MDGA2: variants seen among roughly 807,000 people sequenced by gnomAD.
The protein encoded by MDGA2 is MAM domain-containing glycosylphosphatidylinositol anchor protein 2.
MDGA2 carries 40 observed loss-of-function variants against 117.8 expected under a neutral mutation model. The ratio of observed to expected loss-of-function variants is 0.34; its 90% CI spans 0.26 to 0.44. The LOEUF is 0.44. Ranked by LOEUF, MDGA2 falls within the 20% of genes least tolerant of loss-of-function variation. The pLI, the probability that MDGA2 is intolerant of heterozygous loss-of-function variation, is 1.00. For missense variants in MDGA2, 1,123 were observed against 1,250.6 expected, an observed-to-expected ratio of 0.90 and a Z score of 1.54; for synonymous variants, 452 against 439.0, an observed-to-expected ratio of 1.03 and a Z score of -0.37.
At chr14:47,303,481 C>G (rs1889347952) in intron 1 of MDGA2, among the ~76,000 whole-genome samples, 1 of 152,020 alleles carries the variant, frequency 6.6e-6, no homozygotes, top group Non-Finnish European at 1.5e-5. Context: ...TGGTGTTTCT[C>G]TTAGTGCTCT....
At chr14:46,857,436 A>G (rs1212771904) in intron 14 of MDGA2, among the ~76,000 whole-genome samples, 4 of 151,754 alleles carry the variant, frequency 2.6e-5, no homozygotes, top group African/African-American at 9.7e-5. Context: ...TCTGCATGCT[A>G]TTTCTAATGT....
chr14:46,932,048 TG>T (rs1259809963), intron 9 of MDGA2, among the ~76,000 whole-genome samples: 3 of 152,152 alleles, frequency 2.0e-5, no homozygotes, highest in African/African-American at 7.2e-5. Context: ...TTAAGCTTTA[TG>T]TTTTTTACAG....
intron 3 of MDGA2, among the ~76,000 whole-genome samples, chr14:47,147,660 T>C (rs1219740091): frequency 6.6e-6 from 1 of 152,162 alleles, no homozygotes; most frequent in Non-Finnish European, 1.5e-5. Flanking sequence ...GAGGAATGAG[T>C]GCTTCAGTTC....
intron 1 of MDGA2, among the ~76,000 whole-genome samples, chr14:47,561,230 A>G (rs1243942995): frequency 2.3e-5 from 3 of 130,908 alleles, no homozygotes; most frequent in Non-Finnish European, 1.6e-5. Flanking sequence ...TTTTGTTTCC[A>G]TATCAATTTT....
rs78961470 is a variant in MDGA2, at chr14:47,121,463, C to T, written c.925+10251G>A. ...AACTATTGACAAAATTTTGGAATTT[C>T]GCTATGATTTAATATTACTTCTGAA... On this transcript the variant is annotated intron_variant, in intron 5 of 16. Transcript: ENST00000399232. Among the ~76,000 whole-genome samples, 188 of 151,830 alleles carry T rather than the reference C, an allele frequency of 1.2e-3. 3 individuals carry two copies. Among genetic ancestry groups the T allele is most frequent in the East Asian group, 2.3e-3 (12 of 5,174 alleles).
At chr14:47,454,909 G>T (rs552823031) in intron 1 of MDGA2, among the ~76,000 whole-genome samples, 3 of 152,284 alleles carry the variant, frequency 2.0e-5, no homozygotes, top group Admixed American at 2.0e-4. Flanking sequence ...CCTGGAAATG[G>T]GGACTGTTGG....
At chr14:47,069,305 A>C (rs1890194924) in intron 6 of MDGA2, among the ~76,000 whole-genome samples, 1 of 152,162 alleles carries the variant, frequency 6.6e-6, no homozygotes, top group Admixed American at 6.5e-5. Flanking sequence ...GTGTCACTTT[A>C]CATTATTGGC....
rs1898168004 is a variant in MDGA2, at chr14:47,675,467, A to G, written c.-671T>C. Among the ~76,000 whole-genome samples the G allele has an allele frequency of 1.3e-5, 2 of 151,956 alleles. No homozygotes were observed. Among genetic ancestry groups the G allele is most frequent in the African/African-American group, 4.8e-5 (2 of 41,394 alleles). ...GTGCGTCTGGAGCTCGCTTGGGCAC[A>G]CCAGCCCAGCCGCCACCGCCACCGC... On this transcript the variant is annotated 5_prime_UTR_variant, in exon 1 of 17. Transcript: ENST00000399232.
intron 1 of MDGA2, among the ~76,000 whole-genome samples, chr14:47,650,732 A>T (rs545472478): frequency 6.6e-6 from 1 of 152,362 alleles, no homozygotes; most frequent in African/African-American, 2.4e-5. Flanking sequence ...ATTATTGTAA[A>T]ATAAAAATAT....
At chr14:47,371,554 T>G (rs999107867) in intron 1 of MDGA2, among the ~76,000 whole-genome samples, 1 of 151,804 alleles carries the variant, frequency 6.6e-6, no homozygotes, top group Non-Finnish European at 1.5e-5. Flanking sequence ...TTAAATAGTT[T>G]GAGGATGGTA....
At chr14:47,161,420 A>G (rs1883627709) in intron 3 of MDGA2, among the ~76,000 whole-genome samples, 1 of 152,070 alleles carries the variant, frequency 6.6e-6, no homozygotes, top group Non-Finnish European at 1.5e-5. Flanking sequence ...AGAAGAAATA[A>G]TTTAACAATC....
At chr14:47,529,782 C>T (rs941461260) in intron 1 of MDGA2, among the ~76,000 whole-genome samples, 7 of 152,108 alleles carry the variant, frequency 4.6e-5, no homozygotes, top group Admixed American at 1.3e-4. Context: ...GGCTAAATGC[C>T]GTTATGCATG....
chr14:47,445,532 C>A (rs960045342), intron 1 of MDGA2, among the ~76,000 whole-genome samples: 1 of 151,992 alleles, frequency 6.6e-6, no homozygotes, highest in African/African-American at 2.4e-5. Context: ...TTTATTTTTT[C>A]TTTTTAATTT....
intron 1 of MDGA2, among the ~76,000 whole-genome samples, chr14:47,620,933 T>G (rs555453757): frequency 6.6e-6 from 1 of 152,258 alleles, no homozygotes; most frequent in African/African-American, 2.4e-5. Context: ...GAAGTCCAAT[T>G]ACGACTGTAA....
At chr14:47,154,657 G>A (rs1306016634) in intron 3 of MDGA2, among the ~76,000 whole-genome samples, 1 of 152,164 alleles carries the variant, frequency 6.6e-6, no homozygotes, top group Non-Finnish European at 1.5e-5. Flanking sequence ...TGCTAGGGTC[G>A]GTACTGACAC....
At chr14:47,361,186 ACT>A (rs374880544) in intron 1 of MDGA2, among the ~76,000 whole-genome samples, 30 of 142,310 alleles carry the variant, frequency 2.1e-4, no homozygotes, top group African/African-American at 4.5e-4. Context: ...GTCATGTTGT[ACT>A]CTCTCTCTCT....
At chr14:46,950,208 A>AGG (rs1458680388) in intron 9 of MDGA2, among the ~76,000 whole-genome samples, 3 of 151,868 alleles carry the variant, frequency 2.0e-5, no homozygotes, top group African/African-American at 7.3e-5. Flanking sequence ...TTACATTTTT[A>AGG]TTCCTAATTT....
chr14:47,510,172 C>T (rs1165594158), intron 1 of MDGA2, among the ~76,000 whole-genome samples: 2 of 152,046 alleles, frequency 1.3e-5, no homozygotes, highest in Admixed American at 6.5e-5. Flanking sequence ...AAAGGGGCCC[C>T]GGAGAGCTCC....
Position 47,031,660 on chromosome 14 carries a change from G to A in MDGA2, c.1819+3351C>T, listed in dbSNP as rs746299236. Among the ~76,000 whole-genome samples, 4 of 152,270 alleles carry A rather than the reference G, an allele frequency of 2.6e-5. No individual in the cohort carries two copies. In the East Asian group the frequency reaches 7.7e-4, roughly 29 times the overall value. On this transcript the variant is annotated intron_variant, in intron 8 of 16. Transcript: ENST00000399232. ...TGTAATCCTCAGTGTTGGAAGTGAT[G>A]CCTGGTGGTAGGTGATTGGATCTTG...
Sources: allele counts gnomAD v4.1 joint callset (sites outside exome capture counted in the v4.1 genomes callset), GRCh38; gene constraint gnomAD v4.1.1; transcripts MANE v1.5; gene names NCBI Gene and HGNC (gene_info 2026-07-23, HGNC 2026-07-21).